Variants in SLAIN2 observed in about 807,000 individuals in gnomAD.
SLAIN2 encodes SLAIN motif-containing protein 2.
SLAIN2 carries 31 observed loss-of-function variants against 56.6 expected under a neutral mutation model. The observed-to-expected ratio is 0.55, with a 90% CI of 0.41 to 0.74. SLAIN2 has a LOEUF of 0.74. Ranked by LOEUF, SLAIN2 falls within the 30% of genes least tolerant of loss-of-function variation. The pLI, the probability that SLAIN2 is intolerant of heterozygous loss-of-function variation, is 0.00. For missense variants in SLAIN2, 777 were observed against 754.2 expected (o/e 1.03, Z -0.35); for synonymous variants, 317 against 284.9 (o/e 1.11, Z -1.13).
chr4:48,368,051 C>CTTTTTTTTTTTTTTTTTTTTTTTTT lies in SLAIN2; in HGVS notation c.390-1785_390-1784insTTTTTTTTTTTTTTTTTTTTTTTTT, dbSNP rs36096623. Among the ~76,000 whole-genome samples, 66 of 88,800 alleles carry CTTTTTTTTTTTTTTTTTTTTTTTTT rather than the reference C, an allele frequency of 7.4e-4. 14 individuals are homozygous for CTTTTTTTTTTTTTTTTTTTTTTTTT. Among genetic ancestry groups the CTTTTTTTTTTTTTTTTTTTTTTTTT allele is most frequent in the Admixed American group, 1.5e-3 (10 of 6,574 alleles). 58.3% of individuals were successfully genotyped at this position (88,800 alleles called of 152,430 possible). On this transcript the variant is annotated intron_variant, in intron 1 of 7. Coordinates refer to ENST00000264313, the MANE Select transcript of SLAIN2 (RefSeq NM_020846.2). Reference sequence around the variant, plus strand: ...TTCACTGAACGTAGTGTTTTTGAGGCTTTTTTTTTTTTTGACAGTGTTGCT... The same window carrying CTTTTTTTTTTTTTTTTTTTTTTTTT: ...TTCACTGAACGTAGTGTTTTTGAGGCTTTTTTTTTTTTTTTTTTTTTTTTTTTTTTTTTTTTTTGACAGTGTTGCT...
intron 6 of SLAIN2, among the ~76,000 whole-genome samples, chr4:48,415,373 G>A (rs1334109917): frequency 1.5e-5 from 1 of 66,472 alleles, no homozygotes. Flanking sequence ...AGAAGTGTCT[G>A]TTCATATCCT....
Position 48,341,936 on chromosome 4 carries a change from G to C in SLAIN2, c.197G>C (p.Gly66Ala). The change falls in exon 1 of 8, where the codon GGC becomes GCC. Residue 66 changes from glycine to alanine, a missense_variant. Transcript: ENST00000264313. ...IPSSGAASPR[G>A]FPLGLSAKSG... is the part of the protein sequence containing the mutation. ...TCCTCCGGCGCGGCGTCTCCTCGGG[G>C]CTTCCCCTTGGGCCTCAGCGCCAAG... The C allele has an allele frequency of 6.7e-7, 1 of 1,499,400 alleles. No individual in the cohort carries two copies. Among genetic ancestry groups the C allele is most frequent in the East Asian group, 2.8e-5 (1 of 35,364 alleles). The allele number at this position is 1,499,400 out of a possible 1,614,324, so 92.9% of individuals were successfully genotyped here.
rs1411041360 is a variant in SLAIN2, at chr4:48,341,730, C to G, written c.-10C>G. 6 of 1,522,082 alleles carry G rather than the reference C, an allele frequency of 3.9e-6. No homozygotes were observed. Among genetic ancestry groups the G allele is most frequent in the East Asian group, 2.7e-5 (1 of 37,690 alleles). 94.3% of individuals were successfully genotyped at this position (1,522,082 alleles called of 1,614,324 possible). The stretch of plus-strand genomic sequence containing the variant: ...CGGGCGGCGGAGGCGGCGGCGGCGG[C>G]GGGGCCGGGATGGAGGACGTTAACT... On this transcript the variant is annotated 5_prime_UTR_variant, in exon 1 of 8. Coordinates refer to ENST00000264313, the MANE Select transcript of SLAIN2 (RefSeq NM_020846.2).
chr4:48,362,643 T>C (rs1165652884), intron 1 of SLAIN2, among the ~76,000 whole-genome samples: 2 of 151,024 alleles, frequency 1.3e-5, no homozygotes, highest in Admixed American at 6.6e-5. Context: ...ATGGTCTCGA[T>C]CTACTGACCT....
chr4:48,369,707 A>G (rs1190192088), intron 1 of SLAIN2, 142 bp from the exon 2 acceptor site: 8 of 659,414 alleles, frequency 1.2e-5, no homozygotes, highest in Non-Finnish European at 1.7e-5. Context: ...CTTCCTGTGC[A>G]GTAAGTAAAT....
chr4:48,418,349 C>T (rs568361412), intron 6 of SLAIN2, among the ~76,000 whole-genome samples: 75 of 151,988 alleles, frequency 4.9e-4, no homozygotes, highest in African/African-American at 1.1e-3. Flanking sequence ...TTCTGTTTTT[C>T]GGAGAACTTT....
At chr4:48,374,902 T>A (rs1285934574) in intron 2 of SLAIN2, among the ~76,000 whole-genome samples, 1 of 152,066 alleles carries the variant, frequency 6.6e-6, no homozygotes, top group East Asian at 1.9e-4. Context: ...TGGAAGAGAA[T>A]TAGATGTTAG....
intron 6 of SLAIN2, among the ~76,000 whole-genome samples, chr4:48,419,215 G>A (rs554423545): frequency 6.6e-6 from 1 of 151,964 alleles, no homozygotes; most frequent in South Asian, 2.1e-4. Flanking sequence ...CAGTTCTCCT[G>A]CCTCAGCCTC....
In SLAIN2 at chr4:48,390,655, T is replaced by C. The variant is rs951066589; in HGVS notation, c.1360+6871T>C. Among the ~76,000 whole-genome samples the C allele has an allele frequency of 1.2e-4, 19 of 152,266 alleles. 1 individual carries two copies. Among genetic ancestry groups the C allele is most frequent in the Admixed American group, 9.8e-4 (15 of 15,286 alleles). Reference sequence around the variant, plus strand: ...TAAAATCAACATTATAATACAAAAATAGACAATGGGTTAATAATTTGAAGT... The same window carrying C: ...TAAAATCAACATTATAATACAAAAACAGACAATGGGTTAATAATTTGAAGT... On this transcript the variant is annotated intron_variant, in intron 6 of 7. Transcript: ENST00000264313.
At chr4:48,410,349 A>G (rs972109709) in intron 6 of SLAIN2, among the ~76,000 whole-genome samples, 2 of 151,348 alleles carry the variant, frequency 1.3e-5, no homozygotes, top group Non-Finnish European at 2.9e-5. Context: ...TATCAGATCC[A>G]TGATTTGTAA....
At chr4:48,353,363 T>C (rs1262500159) in intron 1 of SLAIN2, among the ~76,000 whole-genome samples, 1 of 152,040 alleles carries the variant, frequency 6.6e-6, no homozygotes, top group Non-Finnish European at 1.5e-5. Context: ...CTATCTATCA[T>C]GGTAAGAAAT....
At chr4:48,358,614 C>T (rs1186617758) in intron 1 of SLAIN2, among the ~76,000 whole-genome samples, 2 of 152,106 alleles carry the variant, frequency 1.3e-5, no homozygotes, top group East Asian at 1.9e-4. Flanking sequence ...CTGCGCGCGG[C>T]CCAACAAAGC....
chr4:48,386,891 T>C (rs987510664), intron 6 of SLAIN2, among the ~76,000 whole-genome samples: 1 of 152,214 alleles, frequency 6.6e-6, no homozygotes, highest in Non-Finnish European at 1.5e-5. Flanking sequence ...GAAAGAAAAA[T>C]AGTAAATCAT....
intron 6 of SLAIN2, among the ~76,000 whole-genome samples, chr4:48,395,912 T>C (rs1255845889): frequency 6.7e-6 from 1 of 148,204 alleles, no homozygotes; most frequent in African/African-American, 2.5e-5. Context: ...CTGTGGTATC[T>C]AAACTAGGGC....
chr4:48,355,446 TAGGAC>T (rs1217029707), intron 1 of SLAIN2, among the ~76,000 whole-genome samples: 3 of 152,204 alleles, frequency 2.0e-5, no homozygotes, highest in Non-Finnish European at 2.9e-5. Context: ...GGTTTTCTTT[TAGGAC>T]AATGTCAATT....
Position 48,422,005 on chromosome 4 carries a change from T to C in SLAIN2, c.1680-6T>C. On this transcript the variant is annotated splice_polypyrimidine_tract_variant and splice_region_variant and intron_variant, in intron 7 of 7. Transcript: ENST00000264313. ...AAATTTTAATTACAAAATTGCTTTATTACAGATCCTTGCCAGCTCCTAAAA... is the reference window on the plus strand; with the variant it reads ...AAATTTTAATTACAAAATTGCTTTACTACAGATCCTTGCCAGCTCCTAAAA... The C allele has an allele frequency of 6.2e-7, 1 of 1,603,960 alleles. No individual in the cohort carries two copies. The highest frequency in any genetic ancestry group is 8.5e-7 in the Non-Finnish European group (1 of 1,174,344).
intron 6 of SLAIN2, 198 bp downstream of exon 6, chr4:48,383,982 C>A: frequency 1.8e-6 from 1 of 550,458 alleles, no homozygotes; most frequent in Non-Finnish European, 3.1e-6. Flanking sequence ...ATGTAGGATA[C>A]TTGATTCTGC....
Position 48,368,099 on chromosome 4 carries a change from G to C in SLAIN2, c.390-1750G>C, listed in dbSNP as rs4694893. Among the ~76,000 whole-genome samples the C allele has an allele frequency of 8.0e-3, 1,016 of 127,536 alleles. 20 individuals are homozygous for C. The highest frequency in any genetic ancestry group is 0.046 in the Admixed American group (485 of 10,584). 83.7% of individuals were successfully genotyped at this position (127,536 alleles called of 152,430 possible). A position where few individuals can be genotyped will look rare whatever the true frequency, so the allele number is the denominator to read the frequency against. Reference sequence around the variant, plus strand: ...GCTCTGTTGCCCAGGCTGGACTGCAGTGGTGTGATTGTGATCTTGGCTCAC... The same window carrying C: ...GCTCTGTTGCCCAGGCTGGACTGCACTGGTGTGATTGTGATCTTGGCTCAC... On this transcript the variant is annotated intron_variant, in intron 1 of 7. Coordinates refer to ENST00000264313, the MANE Select transcript of SLAIN2 (RefSeq NM_020846.2).
intron 5 of SLAIN2, 100 bp downstream of exon 5, chr4:48,383,027 G>A: frequency 8.2e-7 from 1 of 1,221,050 alleles, no homozygotes; most frequent in Admixed American, 2.7e-5. Context: ...AATTAGCTGG[G>A]CATGGTGGTG....
Sources: gnomAD v4.1 joint callset for allele counts (sites outside exome capture counted in the v4.1 genomes callset) on GRCh38, gnomAD v4.1.1 for gene constraint, MANE v1.5 for transcripts, NCBI Gene and HGNC (gene_info 2026-07-23, HGNC 2026-07-21) for gene names.